ASIC2: variants seen among roughly 807,000 people sequenced by gnomAD.
The protein encoded by ASIC2 is acid-sensing ion channel 2.
A neutral mutation model predicts 57.3 loss-of-function variants in ASIC2; 25 were observed. The ratio of observed to expected loss-of-function variants is 0.44; its 90% confidence interval spans 0.32 to 0.61. ASIC2 has a LOEUF of 0.61. ASIC2 is among the 20% of genes least tolerant of loss of function. The pLI, the probability that ASIC2 is intolerant of heterozygous loss-of-function variation, is 0.06. For synonymous variants in ASIC2, 319 were observed against 307.5 expected, an observed-to-expected ratio of 1.04 and a Z score of -0.39; for missense variants, 641 against 738.1, an observed-to-expected ratio of 0.87 and a Z score of 1.52.
chr17:33,075,675 T>G (rs73275864), intron 3 of ASIC2, among the ~76,000 whole-genome samples: 6 of 152,116 alleles, frequency 3.9e-5, no homozygotes, highest in African/African-American at 1.4e-4. Context: ...TGGGGGAAAC[T>G]TGGGGGCTCA....
At chr17:34,010,630 C>G (rs1172447084) in intron 1 of ASIC2, among the ~76,000 whole-genome samples, 1 of 152,020 alleles carries the variant, frequency 6.6e-6, no homozygotes, top group African/African-American at 2.4e-5. Context: ...CATACAAAAA[C>G]ACACAGAGAG....
chr17:33,799,438 C>CTTTCTTTCTTTCTTTCTTA (rs1912049947), intron 1 of ASIC2, among the ~76,000 whole-genome samples: 16 of 46,036 alleles, frequency 3.5e-4, no homozygotes, highest in African/African-American at 8.4e-4. Flanking sequence ...TTCTTTCTTT[C>CTTTCTTTCTTTCTTTCTTA]TTTCTTTCTT....
chr17:34,094,863 A>G (rs1416896395), intron 1 of ASIC2, among the ~76,000 whole-genome samples: 2 of 152,248 alleles, frequency 1.3e-5, no homozygotes, highest in Non-Finnish European at 2.9e-5. Flanking sequence ...GAAAAACCAT[A>G]AAGTCCCTCC....
At chr17:33,248,871 A>C (rs1363875668) in intron 1 of ASIC2, among the ~76,000 whole-genome samples, 1 of 152,126 alleles carries the variant, frequency 6.6e-6, no homozygotes, top group Non-Finnish European at 1.5e-5. Flanking sequence ...ATTCCTGCAA[A>C]GAGTCTTTTT....
intron 1 of ASIC2, among the ~76,000 whole-genome samples, chr17:33,491,853 G>C (rs1913770404): frequency 6.6e-6 from 1 of 152,200 alleles, no homozygotes; most frequent in Non-Finnish European, 1.5e-5. Context: ...CAGTATTTAG[G>C]GAGTTTATTC....
intron 3 of ASIC2, among the ~76,000 whole-genome samples, chr17:33,074,835 T>C (rs1434190922): frequency 6.6e-6 from 1 of 152,174 alleles, no homozygotes; most frequent in Non-Finnish European, 1.5e-5. Context: ...TTTAGAAAGG[T>C]TCTGGACTTT....
At chr17:33,449,118 T>C (rs1432979930) in intron 1 of ASIC2, among the ~76,000 whole-genome samples, 1 of 152,206 alleles carries the variant, frequency 6.6e-6, no homozygotes, top group African/African-American at 2.4e-5. Context: ...TTCTCCTCCA[T>C]CCTGCCTGGC....
At chr17:33,805,081 G>A (rs1186496324) in intron 1 of ASIC2, among the ~76,000 whole-genome samples, 1 of 152,148 alleles carries the variant, frequency 6.6e-6, no homozygotes, top group Admixed American at 6.5e-5. Context: ...GAATGATCTA[G>A]AAGCAACACC....
At chr17:33,459,659 G>C (rs564386908) in intron 1 of ASIC2, among the ~76,000 whole-genome samples, 2 of 152,236 alleles carry the variant, frequency 1.3e-5, no homozygotes, top group African/African-American at 4.8e-5. Context: ...ATATTAAGCT[G>C]TTCTGTCGGG....
chr17:33,771,234 C>T (rs1479199963), intron 1 of ASIC2, among the ~76,000 whole-genome samples: 1 of 152,072 alleles, frequency 6.6e-6, no homozygotes, highest in Non-Finnish European at 1.5e-5. Context: ...ATCACCATTC[C>T]TCAAACAAAC....
chr17:33,161,655 T>G (rs1169689047), intron 1 of ASIC2, among the ~76,000 whole-genome samples: 3 of 152,164 alleles, frequency 2.0e-5, no homozygotes, highest in Non-Finnish European at 4.4e-5. Context: ...AAAATATACT[T>G]GAAGTCTAGA....
At chr17:33,703,661 A>AT (rs1908777230) in intron 1 of ASIC2, among the ~76,000 whole-genome samples, 1 of 152,174 alleles carries the variant, frequency 6.6e-6, no homozygotes, top group African/African-American at 2.4e-5. Flanking sequence ...CATATGTTAT[A>AT]TAATACTAAT....
At chr17:33,731,328 G>T (rs74738225) in intron 1 of ASIC2, among the ~76,000 whole-genome samples, 63 of 152,250 alleles carry the variant, frequency 4.1e-4, no homozygotes, top group South Asian at 6.2e-4. Flanking sequence ...TATATTTTAG[G>T]GGGGAGGTCA....
intron 1 of ASIC2, among the ~76,000 whole-genome samples, chr17:33,968,616 T>C (rs1460865731): frequency 6.6e-6 from 1 of 152,170 alleles, no homozygotes; most frequent in Non-Finnish European, 1.5e-5. Flanking sequence ...CTCTGACCCT[T>C]CCAGGGAGCA....
chr17:33,824,311 T>C (rs1397233766), intron 1 of ASIC2, among the ~76,000 whole-genome samples: 3 of 152,152 alleles, frequency 2.0e-5, no homozygotes, highest in Non-Finnish European at 1.5e-5. Flanking sequence ...GAAAGATACA[T>C]TGTGAAGAAG....
chr17:33,840,707 C>T (rs1472091635), intron 1 of ASIC2, among the ~76,000 whole-genome samples: 1 of 151,858 alleles, frequency 6.6e-6, no homozygotes, highest in African/African-American at 2.4e-5. Flanking sequence ...ATTCATGGTC[C>T]TGTGTTGTAA....
intron 1 of ASIC2, among the ~76,000 whole-genome samples, chr17:34,107,312 G>A (rs1911097015): frequency 6.6e-6 from 1 of 151,986 alleles, no homozygotes; most frequent in African/African-American, 2.4e-5. Context: ...GACCAGCCTG[G>A]AAAACATGGC....
intron 1 of ASIC2, among the ~76,000 whole-genome samples, chr17:33,435,017 T>G (rs1206755599): frequency 6.6e-6 from 1 of 152,228 alleles, no homozygotes; most frequent in African/African-American, 2.4e-5. Flanking sequence ...TATTCTAATC[T>G]TATCTCCTAA....
intron 1 of ASIC2, among the ~76,000 whole-genome samples, chr17:33,172,367 G>A (rs908174492): frequency 2.0e-5 from 3 of 152,248 alleles, no homozygotes; most frequent in African/African-American, 7.2e-5. Context: ...CCCTGCCACA[G>A]GTAGCAGATG....
Sources: gnomAD v4.1 joint callset for allele counts (sites outside exome capture counted in the v4.1 genomes callset) on GRCh38, gnomAD v4.1.1 for gene constraint, MANE v1.5 for transcripts, NCBI Gene and HGNC (gene_info 2026-07-23, HGNC 2026-07-21) for gene names.